PTPN4: variants seen among roughly 807,000 people sequenced by gnomAD.
The protein encoded by PTPN4 is protein tyrosine phosphatase non-receptor type 4, also known as tyrosine-protein phosphatase non-receptor type 4.
In PTPN4, 49 loss-of-function variants were observed where a neutral mutation model predicts 135.5. That is an observed-to-expected ratio of 0.36 (90% confidence interval 0.29 to 0.46). PTPN4 has a LOEUF of 0.46. Ranked by LOEUF, PTPN4 falls within the 20% of genes least tolerant of loss-of-function variation. PTPN4 has a pLI of 1.00. For missense variants in PTPN4, 860 were observed against 1,101.0 expected (o/e 0.78, Z 3.10); for synonymous variants, 333 against 369.9 (o/e 0.90, Z 1.14).
At chr2:119,933,667 A>G (rs1678940068) in intron 14 of PTPN4, among the ~76,000 whole-genome samples, 1 of 151,832 alleles carries the variant, frequency 6.6e-6, no homozygotes, top group Non-Finnish European at 1.5e-5. Flanking sequence ...TGTCTCAAAA[A>G]AAAAAAAAAA....
At chr2:119,819,724 A>G (rs1471647382) in intron 2 of PTPN4, among the ~76,000 whole-genome samples, 1 of 152,248 alleles carries the variant, frequency 6.6e-6, no homozygotes, top group African/African-American at 2.4e-5. Context: ...CTTGGCTGAT[A>G]AATTATTAAT....
chr2:119,810,729 G>A (rs976611242), intron 2 of PTPN4, among the ~76,000 whole-genome samples: 2 of 152,072 alleles, frequency 1.3e-5, no homozygotes, highest in African/African-American at 4.8e-5. Context: ...TATGGAAAAG[G>A]TGAAATAATA....
At chr2:119,768,379 A>G (rs192725882) in intron 1 of PTPN4, among the ~76,000 whole-genome samples, 1 of 152,212 alleles carries the variant, frequency 6.6e-6, no homozygotes, top group Non-Finnish European at 1.5e-5. Context: ...TAGAGATGCT[A>G]TTTAGGAACT....
chr2:119,769,276 A>C (rs1395402677), intron 1 of PTPN4, among the ~76,000 whole-genome samples: 1 of 152,182 alleles, frequency 6.6e-6, no homozygotes, highest in Non-Finnish European at 1.5e-5. Context: ...AAAAGAGAAG[A>C]CCAAGAGGCT....
chr2:119,969,161 G>A (rs1455543361), intron 26 of PTPN4, among the ~76,000 whole-genome samples: 1 of 152,008 alleles, frequency 6.6e-6, no homozygotes, highest in African/African-American at 2.4e-5. Flanking sequence ...ACAGGCATGA[G>A]CCACCACATT....
chr2:119,959,047 T>C (rs1574421789), intron 22 of PTPN4, among the ~76,000 whole-genome samples: 3 of 152,196 alleles, frequency 2.0e-5, no homozygotes, highest in African/African-American at 7.2e-5. Context: ...GTTGGTTTGT[T>C]TGATCTCACC....
chr2:119,968,656 G>A (rs1274743438), intron 26 of PTPN4, among the ~76,000 whole-genome samples: 1 of 152,122 alleles, frequency 6.6e-6, no homozygotes, highest in Non-Finnish European at 1.5e-5. Context: ...GCCGGGCATG[G>A]TGGTGGGCAC....
intron 5 of PTPN4, among the ~76,000 whole-genome samples, chr2:119,881,291 A>G (rs551792920): frequency 7.9e-5 from 12 of 152,226 alleles, no homozygotes; most frequent in Non-Finnish European, 1.5e-4. Context: ...GGAAGTGTAT[A>G]GGTGCTTTTC....
intron 2 of PTPN4, among the ~76,000 whole-genome samples, chr2:119,817,117 T>C (rs1676999786): frequency 6.6e-6 from 1 of 152,190 alleles, no homozygotes; most frequent in African/African-American, 2.4e-5. Flanking sequence ...GTTGTCTTCG[T>C]CATGAAATCT....
intron 5 of PTPN4, among the ~76,000 whole-genome samples, chr2:119,877,950 T>C (rs1404935807): frequency 1.3e-5 from 2 of 152,018 alleles, no homozygotes; most frequent in Non-Finnish European, 2.9e-5. Flanking sequence ...GGGGAGAACA[T>C]AGAATTTATA....
At chr2:119,805,450 C>G (rs1007706445) in intron 1 of PTPN4, among the ~76,000 whole-genome samples, 1 of 152,140 alleles carries the variant, frequency 6.6e-6, no homozygotes. Context: ...TTTAATCCAT[C>G]TTGAATTAAT....
At chr2:119,764,037 AT>A (rs1690560509) in intron 1 of PTPN4, among the ~76,000 whole-genome samples, 2 of 152,218 alleles carry the variant, frequency 1.3e-5, no homozygotes, top group Admixed American at 6.5e-5. Flanking sequence ...TGTGACTGTT[AT>A]TAAAACATAC....
intron 1 of PTPN4, among the ~76,000 whole-genome samples, chr2:119,783,772 A>C (rs1690991931): frequency 6.6e-6 from 1 of 152,222 alleles, no homozygotes; most frequent in Admixed American, 6.5e-5. Context: ...TGTTTAAGTT[A>C]TTGTTGCTGC....
At chr2:119,808,340 C>T (rs1481557901) in intron 1 of PTPN4, among the ~76,000 whole-genome samples, 2 of 152,172 alleles carry the variant, frequency 1.3e-5, no homozygotes. Context: ...ATCATCTCAG[C>T]CCAAAATCTC....
intron 1 of PTPN4, among the ~76,000 whole-genome samples, chr2:119,804,095 C>T (rs1005796653): frequency 3.3e-5 from 5 of 152,046 alleles, no homozygotes; most frequent in African/African-American, 1.2e-4. Flanking sequence ...CCATCCCCAC[C>T]CCCACTCCGC....
At chr2:119,801,581 A>G (rs1450831265) in intron 1 of PTPN4, among the ~76,000 whole-genome samples, 1 of 152,058 alleles carries the variant, frequency 6.6e-6, no homozygotes, top group African/African-American at 2.4e-5. Flanking sequence ...TTTTTTTATC[A>G]GCATTTTGTA....
chr2:119,827,358 AT>A (rs1677160343), intron 2 of PTPN4, among the ~76,000 whole-genome samples: 1 of 152,218 alleles, frequency 6.6e-6, no homozygotes, highest in Non-Finnish European at 1.5e-5. Context: ...AGTAGGGAGC[AT>A]TTAAAATATA....
intron 26 of PTPN4, among the ~76,000 whole-genome samples, 170 bp downstream of exon 26, chr2:119,968,142 G>T (rs904463650): frequency 1.3e-5 from 2 of 152,230 alleles, no homozygotes; most frequent in South Asian, 2.1e-4. Flanking sequence ...GTCAAATCTG[G>T]CCTGCCACTT....
chr2:119,834,002 C>G (rs1267485237), intron 2 of PTPN4, among the ~76,000 whole-genome samples: 2 of 152,092 alleles, frequency 1.3e-5, no homozygotes, highest in African/African-American at 4.8e-5. Flanking sequence ...GGTTATTTTT[C>G]CCCTCTCTTT....
Sources: gnomAD v4.1 joint callset for allele counts (sites outside exome capture counted in the v4.1 genomes callset) on GRCh38, gnomAD v4.1.1 for gene constraint, MANE v1.5 for transcripts, NCBI Gene and HGNC (gene_info 2026-07-23, HGNC 2026-07-21) for gene names.